Variants in TBC1D32 observed in about 807,000 individuals in gnomAD.
The protein encoded by TBC1D32 is TBC1 domain family member 32.
Under a neutral mutation model 170.3 loss-of-function variants are expected in TBC1D32, and 151 were observed. The ratio of observed to expected loss-of-function variants is 0.89; its 90% CI spans 0.78 to 1.01. The LOEUF (loss-of-function observed/expected upper bound fraction) is 1.01, where lower values mean the gene tolerates loss of function less well. TBC1D32 is among the 50% of genes least tolerant of loss of function. TBC1D32 has a pLI of 0.00. For missense variants in TBC1D32, 1,464 were observed against 1,457.1 expected (o/e 1.00, Z -0.08); for synonymous variants, 498 against 488.0 (o/e 1.02, Z -0.27).
At chr6:121,271,922 G>A (rs1801497812) in intron 15 of TBC1D32, among the ~76,000 whole-genome samples, 2 of 152,056 alleles carry the variant, frequency 1.3e-5, no homozygotes, top group Admixed American at 1.3e-4. Flanking sequence ...TAGACCCATG[G>A]AACAGAACAG....
chr6:121,256,140 A>G lies in TBC1D32; in HGVS notation c.1879T>C (p.Leu627=), dbSNP rs772583189. The change falls in exon 16 of 32, where the codon TTG becomes CTG. Residue 627 remains leucine, a synonymous_variant. Transcript: ENST00000398212. ...AAATTATAAGTGATTAACACCTGCA[A>G]ACCTTCACATGTACTATATATGTGA... is the stretch of plus-strand genomic sequence containing the variant. ...CRHIYSTCEG[L]QVLITYNLHE... is the part of the protein sequence containing the mutation. The G allele has an allele frequency of 3.1e-6, 5 of 1,613,938 alleles. No individual in the cohort carries two copies. In the Admixed American group the frequency reaches 8.3e-5, roughly 27 times the overall value.
intron 1 of TBC1D32, among the ~76,000 whole-genome samples, chr6:121,324,261 A>G (rs1467778435): frequency 6.6e-6 from 1 of 152,206 alleles, no homozygotes; most frequent in African/African-American, 2.4e-5. Flanking sequence ...TAATTATTTC[A>G]ATTTCTTTCA....
At chr6:121,100,381 A>T (rs899080682) in intron 30 of TBC1D32, among the ~76,000 whole-genome samples, 1 of 151,940 alleles carries the variant, frequency 6.6e-6, no homozygotes, top group Admixed American at 6.6e-5. Flanking sequence ...AAAGTCTCCC[A>T]TTATTATTGT....
At chr6:121,302,728 T>G (rs1806680991) in intron 9 of TBC1D32, among the ~76,000 whole-genome samples, 1 of 152,160 alleles carries the variant, frequency 6.6e-6, no homozygotes, top group Non-Finnish European at 1.5e-5. Flanking sequence ...AAAATTTAAC[T>G]GTTAGATGTA....
upstream of TBC1D32, chr6:121,334,483 C>A: frequency 6.4e-7 from 1 of 1,554,090 alleles, no homozygotes; most frequent in Non-Finnish European, 8.7e-7. Context: ...GCAAAAGCCG[C>A]GCACTGCGCA....
At chr6:121,245,346 G>A (rs1464092318) in intron 17 of TBC1D32, among the ~76,000 whole-genome samples, 3 of 152,160 alleles carry the variant, frequency 2.0e-5, no homozygotes, top group Non-Finnish European at 4.4e-5. Context: ...GCTAGACCCA[G>A]AAGAGCAATA....
At chr6:121,254,328 A>G (rs1798687280) in intron 17 of TBC1D32, among the ~76,000 whole-genome samples, 2 of 152,152 alleles carry the variant, frequency 1.3e-5, no homozygotes, top group South Asian at 4.1e-4. Flanking sequence ...AAGCTCAGAA[A>G]TCACCACTGA....
At position 121,292,068 on chromosome 6, in the gene TBC1D32, G is replaced by T; in HGVS notation, c.1357C>A (p.Leu453Met). 6.3e-7 allele frequency: 1 copy of T among 1,586,884 alleles called. No individual in the cohort carries two copies. Among genetic ancestry groups the T allele is most frequent in the South Asian group, 1.2e-5 (1 of 84,618 alleles). Residue 453 changes from leucine (L) to methionine (M), a missense_variant, in exon 12 of 32, where the codon CTG becomes ATG. Leu to Met is a conservative substitution (Grantham distance 15, BLOSUM62 2). Around this residue, in one of 3 missense-constraint regions of TBC1D32, gnomAD observed 1,363 missense variants for 1,338.1 expected, o/e 1.02. Transcript: ENST00000398212. ...KQGRKLFPIK[L>M]KNKKGLVSLI... ...TTGTACTTACCTTTTTTATTCTTCA[G>T]CTTAATAGGAAATAGTTTTCTGCCT...
At chr6:121,194,488 T>C (rs1161338241) in intron 22 of TBC1D32, among the ~76,000 whole-genome samples, 1 of 152,248 alleles carries the variant, frequency 6.6e-6, no homozygotes, top group Non-Finnish European at 1.5e-5. Context: ...CCATCTGGCC[T>C]GTGCAGAAGA....
At chr6:121,099,306 T>C (rs1777751430) in intron 30 of TBC1D32, among the ~76,000 whole-genome samples, 1 of 151,922 alleles carries the variant, frequency 6.6e-6, no homozygotes, top group Non-Finnish European at 1.5e-5. Context: ...GAAGATAAAA[T>C]TGGTCATAAA....
At chr6:121,112,901 T>C (rs1029430650) in intron 28 of TBC1D32, among the ~76,000 whole-genome samples, 161 bp downstream of exon 28, 2 of 152,066 alleles carry the variant, frequency 1.3e-5, no homozygotes, top group African/African-American at 4.8e-5. Flanking sequence ...AAAATTCATA[T>C]TTAAAATACA....
At chr6:121,172,738 C>T (rs1186093102) in intron 22 of TBC1D32, among the ~76,000 whole-genome samples, 2 of 152,174 alleles carry the variant, frequency 1.3e-5, no homozygotes, top group East Asian at 3.9e-4. Flanking sequence ...TACACTTGTA[C>T]TAAGAAAATA....
At position 121,262,724 on chromosome 6, in the gene TBC1D32, G is replaced by A. The variant is rs190021731; in HGVS notation, c.1734-6439C>T. Among the ~76,000 whole-genome samples the A allele has an allele frequency of 1.3e-4, 20 of 152,224 alleles. No individual in the cohort carries two copies. The East Asian group carries it at 1.7e-3, about 13-fold the overall frequency. On this transcript the variant is annotated intron_variant, in intron 15 of 31. Coordinates refer to ENST00000398212, the MANE Select transcript of TBC1D32 (RefSeq NM_152730.6). The stretch of plus-strand genomic sequence containing the variant: ...ACTCCTGACCTCAGGTGATCTGCCC[G>A]CCTCAACCTCCCAAAGTGCGAGGAT...
intron 1 of TBC1D32, among the ~76,000 whole-genome samples, chr6:121,328,185 T>A (rs1244714178): frequency 6.6e-6 from 1 of 152,190 alleles, no homozygotes; most frequent in Non-Finnish European, 1.5e-5. Flanking sequence ...TTACAATAAA[T>A]ACAACTTCCA....
At chr6:121,285,109 T>C (rs893287604) in intron 12 of TBC1D32, among the ~76,000 whole-genome samples, 2 of 152,184 alleles carry the variant, frequency 1.3e-5, no homozygotes, top group Non-Finnish European at 2.9e-5. Context: ...GTGGGCTGAT[T>C]TCATAAGGCT....
intron 20 of TBC1D32, among the ~76,000 whole-genome samples, chr6:121,233,773 G>GT (rs1435335834): frequency 6.6e-6 from 1 of 151,870 alleles, no homozygotes; most frequent in Non-Finnish European, 1.5e-5. Context: ...GAATACCTTG[G>GT]TTTTTTTGTC....
intron 29 of TBC1D32, among the ~76,000 whole-genome samples, chr6:121,108,064 A>G (rs1288584001): frequency 1.3e-5 from 2 of 152,120 alleles, no homozygotes; most frequent in Non-Finnish European, 2.9e-5. Context: ...CTGAATGCCA[A>G]GAAGAAAATA....
chr6:121,298,816 C>T (rs1011089222), intron 10 of TBC1D32, among the ~76,000 whole-genome samples: 2 of 152,078 alleles, frequency 1.3e-5, no homozygotes, highest in Non-Finnish European at 2.9e-5. Context: ...TGCCTAACTA[C>T]ATAAAAGATG....
intron 17 of TBC1D32, among the ~76,000 whole-genome samples, chr6:121,246,491 C>G (rs1388432417): frequency 6.6e-6 from 1 of 151,730 alleles, no homozygotes; most frequent in Non-Finnish European, 1.5e-5. Flanking sequence ...GTAACACCCC[C>G]AAAAGGTCAC....
Sources: allele counts gnomAD v4.1 joint callset (sites outside exome capture counted in the v4.1 genomes callset), GRCh38; gene constraint gnomAD v4.1.1; regional missense constraint gnomAD v4.1.1; transcripts MANE v1.5; gene names NCBI Gene and HGNC (gene_info 2026-07-23, HGNC 2026-07-21).